LGALS2: variants seen among roughly 807,000 people sequenced by gnomAD.
LGALS2 encodes galectin 2.
In LGALS2, 7 loss-of-function variants were observed where a neutral mutation model predicts 10.1. That is an observed-to-expected ratio of 0.70 (90% CI 0.40 to 1.31). The LOEUF is 1.31. Ranked by LOEUF, LGALS2 falls within the 50% of genes most tolerant of loss-of-function variation. The pLI, the probability that LGALS2 is intolerant of heterozygous loss-of-function variation, is 0.01. For synonymous variants in LGALS2, 86 were observed against 64.2 expected, an observed-to-expected ratio of 1.34 and a Z score of -1.63; for missense variants, 167 against 163.6, an observed-to-expected ratio of 1.02 and a Z score of -0.11.
At position 37,580,007 on chromosome 22, in the gene LGALS2, C is replaced by T; in HGVS notation, c.-102G>A. 1 of 1,274,628 alleles carries T rather than the reference C, an allele frequency of 7.8e-7. No homozygotes were observed. The highest frequency in any genetic ancestry group is 1.1e-6 in the Non-Finnish European group (1 of 895,844). 79.0% of individuals were successfully genotyped at this position (1,274,628 alleles called of 1,614,324 possible). A position where few individuals can be genotyped will look rare whatever the true frequency, so the allele number is the denominator to read the frequency against. On this transcript the variant is annotated 5_prime_UTR_variant, in exon 1 of 4. Coordinates refer to ENST00000215886, the MANE Select transcript of LGALS2 (RefSeq NM_006498.3). The stretch of plus-strand genomic sequence containing the variant: ...TATCCTAGAATATTACACATTAACT[C>T]CCTCAAGGTCCTAGGTGAGGACTTT...
chr22:37,573,141 CG>C (rs35129481), intron 1 of LGALS2, among the ~76,000 whole-genome samples: 11,675 of 148,484 alleles, frequency 0.079, 1,096 homozygotes, highest in African/African-American at 0.23. Flanking sequence ...TGTGGTGGCA[CG>C]CATCTATAGT....
chr22:37,570,309 C>T lies in LGALS2; in HGVS notation c.353G>A (p.Ser118Asn). ...RLGHSHLSYL[S>N]VRGGFNMSSF... ...GGACATGTTGAACCCGCCCCTTACG[C>T]TCAGGTAGCTCAGGTGGCTGTGACC... is the stretch of plus-strand genomic sequence containing the variant. Residue 118 changes from serine (S) to asparagine (N), a missense_variant, in exon 4 of 4, where the codon AGC becomes AAC. Physicochemically the swap from Ser to Asn is conservative, Grantham distance 46. Coordinates refer to ENST00000215886, the MANE Select transcript of LGALS2 (RefSeq NM_006498.3). The T allele has an allele frequency of 2.5e-6, 4 of 1,613,706 alleles. No homozygotes were observed. Among genetic ancestry groups the T allele is most frequent in the Non-Finnish European group, 3.4e-6 (4 of 1,179,634 alleles).
chr22:37,579,886 G>T lies in LGALS2; in HGVS notation c.6+14C>A, dbSNP rs753692317. On this transcript the variant is annotated intron_variant, in intron 1 of 3. Coordinates refer to ENST00000215886, the MANE Select transcript of LGALS2 (RefSeq NM_006498.3). ...AACAGAGTGGGGCAGGCAGCAGGGGGCTAGTGTCCTCACCGTCATGGTGAC... is the reference window on the plus strand; with the variant it reads ...AACAGAGTGGGGCAGGCAGCAGGGGTCTAGTGTCCTCACCGTCATGGTGAC... 1 of 1,609,058 alleles carries T rather than the reference G, an allele frequency of 6.2e-7. No homozygotes were observed. Among genetic ancestry groups the T allele is most frequent in the South Asian group, 1.1e-5 (1 of 89,306 alleles).
intron 1 of LGALS2, among the ~76,000 whole-genome samples, chr22:37,572,156 C>G (rs1006144345): frequency 4.6e-5 from 7 of 152,222 alleles, no homozygotes; most frequent in African/African-American, 1.7e-4. Flanking sequence ...CTTATCCACC[C>G]CAACCCGAAG....
At chr22:37,575,930 G>A (rs976634748) in intron 1 of LGALS2, among the ~76,000 whole-genome samples, 2 of 152,168 alleles carry the variant, frequency 1.3e-5, no homozygotes, top group Admixed American at 1.3e-4. Flanking sequence ...TTGTGTTGTA[G>A]GATGTTGAGC....
chr22:37,575,310 C>T (rs376072520), intron 1 of LGALS2, among the ~76,000 whole-genome samples: 32 of 148,652 alleles, frequency 2.2e-4, no homozygotes, highest in East Asian at 1.2e-3. Context: ...TGAGCTCAAA[C>T]GATTCTCCTG....
intron 1 of LGALS2, among the ~76,000 whole-genome samples, chr22:37,575,185 A>AT (rs1217249313): frequency 2.2e-5 from 3 of 136,016 alleles, no homozygotes; most frequent in South Asian, 2.3e-4. Flanking sequence ...CACACCCAGC[A>AT]TTTTTTTTCT....
chr22:37,577,543 T>TTTG (rs1925726722), intron 1 of LGALS2, among the ~76,000 whole-genome samples: 2 of 151,284 alleles, frequency 1.3e-5, no homozygotes, highest in South Asian at 4.2e-4. Flanking sequence ...TTCTTCTTTT[T>TTTG]TGTTTTTGTA....
chr22:37,571,994 GCAGCTT>G lies in LGALS2; in HGVS notation c.7-69_7-64del, dbSNP rs1925513439. 4 of 1,396,578 alleles carry G rather than the reference GCAGCTT, an allele frequency of 2.9e-6. No individual in the cohort carries two copies. The Admixed American group carries it at 6.7e-5, about 23-fold the overall frequency. 86.5% of individuals were successfully genotyped at this position (1,396,578 alleles called of 1,614,324 possible). A position where few individuals can be genotyped will look rare whatever the true frequency, so the allele number is the denominator to read the frequency against. On this transcript the variant is annotated intron_variant, in intron 1 of 3. Coordinates refer to ENST00000215886, the MANE Select transcript of LGALS2 (RefSeq NM_006498.3). ...AGAAAATCAATCCCACACTTGCCCA[GCAGCTT>G]CATCCACCTCATGCCAACCCAGCTG... is the stretch of plus-strand genomic sequence containing the variant.
At chr22:37,576,079 G>A (rs901951452) in intron 1 of LGALS2, among the ~76,000 whole-genome samples, 1 of 152,138 alleles carries the variant, frequency 6.6e-6, no homozygotes, top group African/African-American at 2.4e-5. Context: ...TTTGGAGGCT[G>A]GACACCTAAC....
chr22:37,571,677 A>T (rs1479701207), intron 2 of LGALS2, among the ~76,000 whole-genome samples, 172 bp downstream of exon 2: 3 of 152,186 alleles, frequency 2.0e-5, no homozygotes, highest in Non-Finnish European at 4.4e-5. Flanking sequence ...CCCCAAACCT[A>T]GCCTCAGACA....
At chr22:37,579,780 G>A (rs1210508949) in intron 1 of LGALS2, 120 bp downstream of exon 1, 9 of 1,093,308 alleles carry the variant, frequency 8.2e-6, no homozygotes, top group Non-Finnish European at 1.1e-5. Flanking sequence ...CTTCTTTGCT[G>A]CACAGATGGG....
chr22:37,570,379 C>T lies in LGALS2; in HGVS notation c.283G>A (p.Val95Met). 2 of 1,613,920 alleles carry T rather than the reference C, an allele frequency of 1.2e-6. No homozygotes were observed. The highest frequency in any genetic ancestry group is 1.1e-5 in the South Asian group (1 of 91,080). Residue 95 changes from valine (V) to methionine (M), a missense_variant, in exon 4 of 4, where the codon GTG becomes ATG. Physicochemically the swap from Val to Met is conservative, Grantham distance 21. Transcript: ENST00000215886. ...TVTFESDKFKVKLPDGHELTF... is the reference protein window; with the variant it reads ...TVTFESDKFKMKLPDGHELTF... The stretch of plus-strand genomic sequence containing the variant: ...AGCTCGTGCCCATCTGGCAGCTTCA[C>T]CTTGAATTTGTCACTCTCAAAGGTC...
chr22:37,576,525 C>G (rs1925687437), intron 1 of LGALS2, among the ~76,000 whole-genome samples: 1 of 151,670 alleles, frequency 6.6e-6, no homozygotes, highest in Non-Finnish European at 1.5e-5. Context: ...TGAGGTTATC[C>G]AGTGAGGACA....
chr22:37,579,785 G>A, intron 1 of LGALS2, 115 bp downstream of exon 1: 1 of 1,145,970 alleles, frequency 8.7e-7, no homozygotes, highest in Non-Finnish European at 1.3e-6. Flanking sequence ...TTGCTGCACA[G>A]ATGGGGAAAC....
rs1925779686 is a variant in LGALS2 at position 37,579,266 on chromosome 22, A to AGG, written c.6+633_6+634insCC. On this transcript the variant is annotated intron_variant, in intron 1 of 3. Coordinates refer to ENST00000215886, the MANE Select transcript of LGALS2 (RefSeq NM_006498.3). ...CCATCTCAAAAAAAAAAAAAAAAAGAGAAAGAAAAGAAACAAACAAAATTA... is the reference window on the plus strand; with the variant it reads ...CCATCTCAAAAAAAAAAAAAAAAAGAGGGAAAGAAAAGAAACAAACAAAATTA... 2.1e-5 allele frequency among the ~76,000 whole-genome samples: 3 copies of AGG among 145,190 alleles called. 1 individual carries two copies. The highest frequency in any genetic ancestry group is 1.4e-4 in the Admixed American group (2 of 14,290).
Position 37,579,247 on chromosome 22 carries a change from C to CAA in LGALS2, c.6+651_6+652dup, listed in dbSNP as rs111697536. Reference sequence around the variant, plus strand: ...TGGGCAACAGAGCGAGACTCCATCTCAAAAAAAAAAAAAAAAAGAGAAAGA... The same window carrying CAA: ...TGGGCAACAGAGCGAGACTCCATCTCAAAAAAAAAAAAAAAAAAAGAGAAAGA... On this transcript the variant is annotated intron_variant, in intron 1 of 3. Transcript: ENST00000215886. 6.0e-4 allele frequency among the ~76,000 whole-genome samples: 20 copies of CAA among 33,576 alleles called. 1 individual carries two copies. The highest frequency in any genetic ancestry group is 9.8e-4 in the Non-Finnish European group (18 of 18,278). 22.0% of individuals were successfully genotyped at this position (33,576 alleles called of 152,430 possible).
chr22:37,571,558 G>T (rs1925497982), intron 2 of LGALS2, among the ~76,000 whole-genome samples: 1 of 152,218 alleles, frequency 6.6e-6, no homozygotes, highest in Non-Finnish European at 1.5e-5. Flanking sequence ...AGAGGCACCT[G>T]CCCCGCAGGG....
intron 1 of LGALS2, among the ~76,000 whole-genome samples, chr22:37,573,997 G>T (rs761750449): frequency 1.2e-4 from 18 of 152,156 alleles, no homozygotes; most frequent in Non-Finnish European, 2.5e-4. Context: ...AAAGTGCTGG[G>T]ATTACAGGCG....
Sources: gnomAD v4.1 joint callset for allele counts (sites outside exome capture counted in the v4.1 genomes callset) on GRCh38, gnomAD v4.1.1 for gene constraint, MANE v1.5 for transcripts, NCBI Gene and HGNC (gene_info 2026-07-23, HGNC 2026-07-21) for gene names.